The following CDKL5 variants were observed in gnomAD, a reference collection of about 807,000 sequenced individuals.
CDKL5 encodes the protein cyclin-dependent kinase-like 5.
A neutral mutation model predicts 61.7 loss-of-function variants in CDKL5; 8 were observed. The observed-to-expected ratio is 0.13, with a 90% CI of 0.08 to 0.23. The LOEUF is 0.23. CDKL5 is among the 10% of genes least tolerant of loss of function. The probability of loss-of-function intolerance (pLI) is 1.00; values close to 1 mark genes in which losing one functional copy is unlikely to be tolerated. For missense variants in CDKL5, 440 were observed against 734.5 expected (o/e 0.60, Z 4.63); for synonymous variants, 275 against 272.3 (o/e 1.01, Z -0.10).
rs140981060 is a variant in CDKL5, at chrX:18,434,214, A to G, written c.-163+8519A>G. Among the ~76,000 whole-genome samples, 297 of 111,353 alleles carry G rather than the reference A, an allele frequency of 2.7e-3. 1 individual carries two copies. The highest frequency in any genetic ancestry group is 9.4e-3 in the African/African-American group (287 of 30,657). On this transcript the variant is annotated intron_variant, in intron 1 of 17. Coordinates refer to ENST00000623535, the MANE Select transcript of CDKL5 (RefSeq NM_001323289.2). ...TAGACGGACACTGCTTAGGGATGTT[A>G]TTTTTTTGGGTACATATAGGAGAGG...
At chrX:18,591,495 C>T (rs1925829001) in intron 9 of CDKL5, among the ~76,000 whole-genome samples, 1 of 110,812 alleles carries the variant, frequency 9.0e-6, no homozygotes, top group Non-Finnish European at 1.9e-5. Context: ...CAAATAGATC[C>T]CCCGATCTTT....
At chrX:18,612,766 A>G (rs1926596504) in intron 14 of CDKL5, among the ~76,000 whole-genome samples, 1 of 111,525 alleles carries the variant, frequency 9.0e-6, no homozygotes, top group African/African-American at 3.3e-5. Context: ...TAACCCTTGC[A>G]AATTAGTGTC....
At chrX:18,459,289 C>T (rs1932220452) in intron 1 of CDKL5, among the ~76,000 whole-genome samples, 1 of 111,588 alleles carries the variant, frequency 9.0e-6, no homozygotes, top group Non-Finnish European at 1.9e-5. Flanking sequence ...AGCACCATGG[C>T]TCATGCCTAT....
chrX:18,632,281 G>A lies in CDKL5; in HGVS notation c.*3524G>A. On this transcript the variant is annotated 3_prime_UTR_variant, in exon 18 of 18. Coordinates refer to ENST00000623535, the MANE Select transcript of CDKL5 (RefSeq NM_001323289.2). ...TTCCATTGTCTTGGGCCTGCTAAAA[G>A]GTGCATACTTTGGAAGGAGACCAGA... 1 of 753,799 alleles carries A rather than the reference G, an allele frequency of 1.3e-6. No homozygotes were observed. The highest frequency in any genetic ancestry group is 6.7e-5 in the South Asian group (1 of 14,880). The allele number at this position is 753,799 out of a possible 1,213,427, so 62.1% of individuals were successfully genotyped here.
chrX:18,529,973 T>A (rs2147108365), intron 3 of CDKL5, among the ~76,000 whole-genome samples: 1 of 111,355 alleles, frequency 9.0e-6, no homozygotes, highest in African/African-American at 3.3e-5. Flanking sequence ...GTATTCCAAT[T>A]ACATATGTTA....
chrX:18,645,489 C>T (rs1260983449), intron 19 of CDKL5, among the ~76,000 whole-genome samples: 1 of 109,930 alleles, frequency 9.1e-6, no homozygotes, highest in East Asian at 2.9e-4. Flanking sequence ...CCCATCCTTG[C>T]ATGTGTCCAT....
rs1002009600 is a variant in CDKL5 at position 18,442,960 on chromosome X, G to T, written c.-163+17265G>T. Among the ~76,000 whole-genome samples the T allele has an allele frequency of 2.7e-5, 3 of 111,623 alleles. No individual in the cohort carries two copies. In the Admixed American group the frequency reaches 2.9e-4, roughly 11 times the overall value. On this transcript the variant is annotated intron_variant, in intron 1 of 17. Coordinates refer to ENST00000623535, the MANE Select transcript of CDKL5 (RefSeq NM_001323289.2). Reference sequence around the variant, plus strand: ...TTATTATTCCTGTCCTCCTGAATAAGACCAAGAGTTTGGAATGATTTACTC... The same window carrying T: ...TTATTATTCCTGTCCTCCTGAATAATACCAAGAGTTTGGAATGATTTACTC...
intron 15 of CDKL5, among the ~76,000 whole-genome samples, chrX:18,618,839 C>T (rs1926799134): frequency 9.0e-6 from 1 of 110,641 alleles, no homozygotes; most frequent in East Asian, 2.8e-4. Flanking sequence ...CCTGGTGGTG[C>T]ATGCCTATAA....
At chrX:18,575,531 T>G (rs757858325) in intron 5 of CDKL5, 41 bp downstream of exon 5, 20 of 1,141,083 alleles carry the variant, frequency 1.8e-5, no homozygotes, top group Middle Eastern at 2.4e-4. Context: ...GCCCGATTCT[T>G]TTATTTAAGG....
chrX:18,632,021 C>A lies in CDKL5; in HGVS notation c.*3264C>A. 1 of 590,641 alleles carries A rather than the reference C, an allele frequency of 1.7e-6. No individual in the cohort carries two copies. Among genetic ancestry groups the A allele is most frequent in the Non-Finnish European group, 2.0e-6 (1 of 490,174 alleles). The allele number at this position is 590,641 out of a possible 1,213,427, so 48.7% of individuals were successfully genotyped here. A position where few individuals can be genotyped will look rare whatever the true frequency, so the allele number is the denominator to read the frequency against. ...GTTAGAGGCCACAGATGCTACTAAA[C>A]ACCCTGCCATGCACAGGACAGCCCC... is the stretch of plus-strand genomic sequence containing the variant. On this transcript the variant is annotated 3_prime_UTR_variant, in exon 18 of 18. Transcript: ENST00000623535.
intron 1 of CDKL5, among the ~76,000 whole-genome samples, chrX:18,436,450 G>A (rs1315461399): frequency 9.0e-6 from 1 of 111,722 alleles, no homozygotes; most frequent in Admixed American, 9.6e-5. Context: ...GGGGGAAGAG[G>A]TGGGAAGGTC....
chrX:18,646,783 C>T lies in CDKL5; in HGVS notation c.2797+693C>T, dbSNP rs974595628. On this transcript the variant is annotated intron_variant, in intron 20 of 21. Transcript: ENST00000379989. ...CGCCTCTTCCCCTCCCTCACCTGGCCAACTTCAAGCCACAGGTCAAATATG... is the reference window on the plus strand; with the variant it reads ...CGCCTCTTCCCCTCCCTCACCTGGCTAACTTCAAGCCACAGGTCAAATATG... 2.7e-5 allele frequency among the ~76,000 whole-genome samples: 3 copies of T among 111,895 alleles called. 1 individual carries two copies. Among genetic ancestry groups the T allele is most frequent in the African/African-American group, 3.3e-5 (1 of 30,718 alleles).
In CDKL5 at chrX:18,437,713, T is replaced by C. The variant is rs535806084; in HGVS notation, c.-163+12018T>C. 3.5e-3 allele frequency among the ~76,000 whole-genome samples: 390 copies of C among 112,606 alleles called. 1 individual carries two copies. In the Middle Eastern group the frequency reaches 0.041, roughly 12 times the overall value. The stretch of plus-strand genomic sequence containing the variant: ...TCTTTTACATTAAATTGGTCTCTGT[T>C]AAACATTTTATGTTCAGGTGGGCTT... On this transcript the variant is annotated intron_variant, in intron 1 of 17. Coordinates refer to ENST00000623535, the MANE Select transcript of CDKL5 (RefSeq NM_001323289.2).
intron 15 of CDKL5, among the ~76,000 whole-genome samples, chrX:18,614,203 C>T (rs758135511): frequency 4.5e-5 from 5 of 111,948 alleles, no homozygotes; most frequent in Non-Finnish European, 9.4e-5. Flanking sequence ...CAATTTGGAC[C>T]CTGTTGATAA....
intron 1 of CDKL5, among the ~76,000 whole-genome samples, chrX:18,425,962 G>T (rs1931353873): frequency 8.9e-6 from 1 of 112,415 alleles, no homozygotes; most frequent in Non-Finnish European, 1.9e-5. Flanking sequence ...GAGGCGAAAG[G>T]GTGTGAAAGA....
In CDKL5 at chrX:18,518,154, CT is replaced by C. The variant is rs964190702; in HGVS notation, c.99+7310del. 4.3e-3 allele frequency among the ~76,000 whole-genome samples: 454 copies of C among 105,706 alleles called. 2 individuals are homozygous for C. Among genetic ancestry groups the C allele is most frequent in the African/African-American group, 0.015 (434 of 29,314 alleles). 91.8% of individuals were successfully genotyped at this position (105,706 alleles called of 115,157 possible). ...AGCATTTTAATTTAAAAAAAATCAA[CT>C]TTTTTTTTTGTTTTTAAAGTTACTT... is the stretch of plus-strand genomic sequence containing the variant. On this transcript the variant is annotated intron_variant, in intron 3 of 17. Coordinates refer to ENST00000623535, the MANE Select transcript of CDKL5 (RefSeq NM_001323289.2).
intron 1 of CDKL5, among the ~76,000 whole-genome samples, chrX:18,499,104 G>A (rs893677150): frequency 8.9e-6 from 1 of 111,849 alleles, no homozygotes; most frequent in African/African-American, 3.3e-5. Flanking sequence ...TTATGGCCTA[G>A]CATATGATCA....
rs1922794730 is a variant in CDKL5, at chrX:18,510,678, G to A, written c.65-142G>A. ...ATGTATAATAAAGTATGTTCCATTT[G>A]TATGTGGCTCATTATTGCATTATCA... On this transcript the variant is annotated intron_variant, in intron 2 of 17. Coordinates refer to ENST00000623535, the MANE Select transcript of CDKL5 (RefSeq NM_001323289.2). 2.2e-5 allele frequency: 11 copies of A among 496,270 alleles called. No individual in the cohort carries two copies. In the South Asian group the frequency reaches 3.6e-4, roughly 16 times the overall value. The allele number at this position is 496,270 out of a possible 1,213,427, so 40.9% of individuals were successfully genotyped here. A position where few individuals can be genotyped will look rare whatever the true frequency, so the allele number is the denominator to read the frequency against.
chrX:18,625,030 G>T, intron 16 of CDKL5, 98 bp from the exon 17 acceptor site: 1 of 841,461 alleles, frequency 1.2e-6, no homozygotes, highest in East Asian at 3.1e-5. Context: ...TTTTGGTTTG[G>T]TTTGCTTTTT....
Sources: gnomAD v4.1 joint callset for allele counts (sites outside exome capture counted in the v4.1 genomes callset) on GRCh38, gnomAD v4.1.1 for gene constraint, MANE v1.5 for transcripts, NCBI Gene and HGNC (gene_info 2026-07-23, HGNC 2026-07-21) for gene names.